DCLK1: variants seen among roughly 807,000 people sequenced by gnomAD.
The protein encoded by DCLK1 is doublecortin like kinase 1, also known as serine/threonine-protein kinase DCLK1.
A neutral mutation model predicts 86.2 loss-of-function variants in DCLK1; 16 were observed. The ratio of observed to expected loss-of-function variants is 0.19; its 90% confidence interval spans 0.13 to 0.28. The LOEUF (loss-of-function observed/expected upper bound fraction) is 0.28, where lower values mean the gene tolerates loss of function less well. Among genes scored for constraint, DCLK1 ranks in the 10% least tolerant of loss-of-function variants. DCLK1 has a pLI of 1.00. For missense variants in DCLK1, 590 were observed against 940.2 expected (o/e 0.63, Z 4.87); for synonymous variants, 369 against 370.5 (o/e 1.00, Z 0.05).
At chr13:35,885,469 G>C (rs907480406) in intron 4 of DCLK1, among the ~76,000 whole-genome samples, 1 of 152,162 alleles carries the variant, frequency 6.6e-6, no homozygotes, top group South Asian at 2.1e-4. Context: ...CATAATAAAT[G>C]ACAGGCTGAA....
intron 3 of DCLK1, among the ~76,000 whole-genome samples, chr13:35,973,472 G>C (rs1879168652): frequency 6.6e-6 from 1 of 152,000 alleles, no homozygotes; most frequent in Non-Finnish European, 1.5e-5. Context: ...CCTCCTATAG[G>C]GCCCACTGGG....
At chr13:35,826,523 C>CAAAAAAAAAAAAAAAA (rs533243711) in intron 10 of DCLK1, among the ~76,000 whole-genome samples, 6 of 19,806 alleles carry the variant, frequency 3.0e-4, no homozygotes, top group East Asian at 1.3e-3. Flanking sequence ...AACTCCATCT[C>CAAAAAAAAAAAAAAAA]AAAAAAAAAA....
Position 35,799,333 on chromosome 13 carries a change from C to A in DCLK1, c.1945-5854G>T, listed in dbSNP as rs193204048. On this transcript the variant is annotated intron_variant, in intron 15 of 16. Transcript: ENST00000360631. ...ATGGCACGATCTTGGCTCACCGCAA[C>A]CTCTGCCTCCCGGGTTCAAGCGATT... 4.2e-3 allele frequency among the ~76,000 whole-genome samples: 634 copies of A among 152,212 alleles called. 2 individuals are homozygous for A. The highest frequency in any genetic ancestry group is 6.6e-3 in the Non-Finnish European group (450 of 68,014).
At chr13:35,852,009 G>A (rs889398683) in intron 6 of DCLK1, among the ~76,000 whole-genome samples, 2 of 152,004 alleles carry the variant, frequency 1.3e-5, no homozygotes, top group African/African-American at 4.8e-5. Flanking sequence ...GTGTGTGTGT[G>A]TGTGTGTGTG....
At chr13:35,989,978 T>C (rs1880148872) in intron 3 of DCLK1, among the ~76,000 whole-genome samples, 1 of 152,218 alleles carries the variant, frequency 6.6e-6, no homozygotes. Flanking sequence ...TTTTGCTTTT[T>C]TAAAGAAAGC....
chr13:35,903,800 T>C (rs753271013), intron 4 of DCLK1, among the ~76,000 whole-genome samples: 3 of 152,166 alleles, frequency 2.0e-5, no homozygotes, highest in Non-Finnish European at 2.9e-5. Context: ...CATAATTTCT[T>C]TAGAAGCATA....
At chr13:35,936,541 A>G (rs534965986) in intron 4 of DCLK1, among the ~76,000 whole-genome samples, 18 of 152,224 alleles carry the variant, frequency 1.2e-4, no homozygotes, top group Non-Finnish European at 5.9e-5. Context: ...CATCATTCCA[A>G]AAGAGGGGCG....
chr13:36,101,674 TG>T (rs58127284), intron 3 of DCLK1, among the ~76,000 whole-genome samples: 29,937 of 152,064 alleles, frequency 0.2, 3,123 homozygotes, highest in Non-Finnish European at 0.24. Context: ...CATCTCTGCC[TG>T]CTCCCTGGTG....
chr13:35,855,622 A>C, intron 5 of DCLK1: 1 of 1,527,236 alleles, frequency 6.5e-7, no homozygotes, highest in Admixed American at 1.9e-5. Flanking sequence ...CGGTTGGATG[A>C]GTTTAAGGAT....
intron 3 of DCLK1, among the ~76,000 whole-genome samples, chr13:36,014,002 C>T (rs1005088493): frequency 1.3e-4 from 20 of 152,288 alleles, no homozygotes; most frequent in African/African-American, 4.6e-4. Context: ...TTCTTTGACT[C>T]GGAAAGGGAA....
chr13:35,798,364 G>T (rs1267877519), intron 15 of DCLK1, among the ~76,000 whole-genome samples: 1 of 152,214 alleles, frequency 6.6e-6, no homozygotes. Context: ...GATCTGGTTT[G>T]CAGTCTATTC....
In DCLK1 at chr13:35,770,526, A is replaced by G. The variant is rs1374053133; in HGVS notation, c.*4009T>C. On this transcript the variant is annotated 3_prime_UTR_variant, in exon 17 of 17. Coordinates refer to ENST00000360631, the MANE Select transcript of DCLK1 (RefSeq NM_001330071.2). ...GCAAAGTAAGGGTCTGTGTGAGAGT[A>G]TTTTCCCCAAACTCCTAATGGACAT... is the stretch of plus-strand genomic sequence containing the variant. The G allele has an allele frequency of 2.6e-5, 4 of 152,158 alleles. No individual in the cohort carries two copies. The highest frequency in any genetic ancestry group is 4.4e-5 in the Non-Finnish European group (3 of 68,032). The allele number at this position is 152,158 out of a possible 1,614,324, so 9.4% of individuals were successfully genotyped here.
At chr13:36,067,653 G>A (rs533147976) in intron 3 of DCLK1, among the ~76,000 whole-genome samples, 1 of 152,004 alleles carries the variant, frequency 6.6e-6, no homozygotes, top group Admixed American at 6.6e-5. Context: ...CAGAAACTAA[G>A]GCCTTAAGCA....
intron 3 of DCLK1, among the ~76,000 whole-genome samples, chr13:36,028,031 A>C (rs1343825230): frequency 6.6e-6 from 1 of 152,162 alleles, no homozygotes; most frequent in East Asian, 1.9e-4. Flanking sequence ...TGCCTGGCCT[A>C]AATACCTATA....
At position 36,077,272 on chromosome 13, in the gene DCLK1, TG is replaced by T. The variant is rs199869297; in HGVS notation, c.723+34596del. On this transcript the variant is annotated intron_variant, in intron 3 of 16. Transcript: ENST00000360631. ...GTATGCCAAAAATTACAACATATTT[TG>T]CAAACATAATTATTTTCCAGCCTAA... Among the ~76,000 whole-genome samples the T allele has an allele frequency of 6.0e-3, 910 of 152,316 alleles. 9 individuals carry two copies. The highest frequency in any genetic ancestry group is 0.021 in the African/African-American group (857 of 41,560).
chr13:35,887,148 G>A (rs1873319683), intron 4 of DCLK1, among the ~76,000 whole-genome samples: 1 of 152,234 alleles, frequency 6.6e-6, no homozygotes, highest in Non-Finnish European at 1.5e-5. Context: ...AGTCACGTAA[G>A]TGATATACTT....
chr13:35,839,518 G>A (rs183856867), intron 6 of DCLK1, among the ~76,000 whole-genome samples: 59 of 152,190 alleles, frequency 3.9e-4, no homozygotes, highest in Middle Eastern at 3.4e-3. Context: ...ACAGACTATC[G>A]GCAAATGGCC....
intron 3 of DCLK1, among the ~76,000 whole-genome samples, chr13:36,033,314 A>C (rs546663140): frequency 7.2e-5 from 11 of 152,346 alleles, no homozygotes; most frequent in Non-Finnish European, 1.6e-4. Context: ...ACAGGAAGTC[A>C]GAGGACATTT....
intron 3 of DCLK1, among the ~76,000 whole-genome samples, chr13:35,952,743 T>C (rs1241031073): frequency 2.0e-5 from 3 of 152,212 alleles, no homozygotes; most frequent in Non-Finnish European, 4.4e-5. Context: ...TTGGTTATTA[T>C]ACGGAAATCT....
Sources: allele counts gnomAD v4.1 joint callset (sites outside exome capture counted in the v4.1 genomes callset), GRCh38; gene constraint gnomAD v4.1.1; transcripts MANE v1.5; gene names NCBI Gene and HGNC (gene_info 2026-07-23, HGNC 2026-07-21).